Variants in PRKG1 observed in about 807,000 individuals in gnomAD.
PRKG1 encodes the protein protein kinase cGMP-dependent 1.
PRKG1 carries 35 observed loss-of-function variants against 88.1 expected under a neutral mutation model. The ratio of observed to expected loss-of-function variants is 0.40; its 90% CI spans 0.30 to 0.53. PRKG1 has a LOEUF of 0.53. PRKG1 is among the 20% of genes least tolerant of loss of function. The pLI, the probability that PRKG1 is intolerant of heterozygous loss-of-function variation, is 0.59. For missense variants in PRKG1, 540 were observed against 839.8 expected, an observed-to-expected ratio of 0.64 and a Z score of 4.41; for synonymous variants, 303 against 292.5, an observed-to-expected ratio of 1.04 and a Z score of -0.37.
chr10:51,463,711 A>G (rs4935016), intron 2 of PRKG1, among the ~76,000 whole-genome samples: 6,413 of 152,306 alleles, frequency 0.042, 240 homozygotes, highest in Admixed American at 0.13. Flanking sequence ...ATTTTGCTAC[A>G]AGACGGGTGA....
chr10:52,143,150 A>C (rs1837630607), intron 8 of PRKG1, among the ~76,000 whole-genome samples: 1 of 152,180 alleles, frequency 6.6e-6, no homozygotes, highest in South Asian at 2.1e-4. Context: ...AGCTATAAGG[A>C]GTATTCACTA....
chr10:52,041,584 C>T (rs1845755833), intron 5 of PRKG1, among the ~76,000 whole-genome samples: 1 of 152,100 alleles, frequency 6.6e-6, no homozygotes, highest in African/African-American at 2.4e-5. Flanking sequence ...TAGAAGTCAG[C>T]AGTGAAGCCA....
At chr10:52,154,547 A>C (rs888041780) in intron 8 of PRKG1, among the ~76,000 whole-genome samples, 1 of 152,228 alleles carries the variant, frequency 6.6e-6, no homozygotes, top group Non-Finnish European at 1.5e-5. Flanking sequence ...AATATTTAAG[A>C]TAGAATATTT....
chr10:51,380,681 T>C (rs1028145813), intron 2 of PRKG1, among the ~76,000 whole-genome samples: 17 of 152,166 alleles, frequency 1.1e-4, no homozygotes, highest in African/African-American at 3.9e-4. Flanking sequence ...ATGTAACAAA[T>C]GGCACAGCTC....
At chr10:51,442,981 A>C (rs1235918141) in intron 2 of PRKG1, among the ~76,000 whole-genome samples, 1 of 152,034 alleles carries the variant, frequency 6.6e-6, no homozygotes, top group Non-Finnish European at 1.5e-5. Context: ...CTGCCAGGCC[A>C]GCACCATTTC....
chr10:52,041,422 G>A (rs1845753172), intron 5 of PRKG1, among the ~76,000 whole-genome samples: 1 of 152,064 alleles, frequency 6.6e-6, no homozygotes, highest in Admixed American at 6.5e-5. Flanking sequence ...CCAGAATGTT[G>A]GCCTATAGTT....
intron 3 of PRKG1, among the ~76,000 whole-genome samples, chr10:51,720,949 C>T (rs1370552588): frequency 6.6e-6 from 1 of 151,766 alleles, no homozygotes; most frequent in Non-Finnish European, 1.5e-5. Context: ...CACCTGTAAT[C>T]CAAGCAGAAT....
intron 5 of PRKG1, among the ~76,000 whole-genome samples, chr10:51,939,909 T>TA (rs560942341): frequency 6.2e-4 from 95 of 152,136 alleles, no homozygotes; most frequent in African/African-American, 2.2e-3. Context: ...GTGACTTAGA[T>TA]ACTCAGAAAA....
chr10:51,339,522 T>A (rs748921594), intron 2 of PRKG1, among the ~76,000 whole-genome samples: 2 of 151,914 alleles, frequency 1.3e-5, no homozygotes, highest in African/African-American at 2.4e-5. Flanking sequence ...ATACATTCAC[T>A]GTAGAAAATT....
At chr10:51,432,146 A>G (rs1240144440) in intron 2 of PRKG1, among the ~76,000 whole-genome samples, 1 of 152,190 alleles carries the variant, frequency 6.6e-6, no homozygotes, top group Non-Finnish European at 1.5e-5. Context: ...AGGAGAGCAA[A>G]GAACCTCAAA....
intron 1 of PRKG1, among the ~76,000 whole-genome samples, chr10:51,028,195 A>G (rs957961292): frequency 6.6e-6 from 1 of 152,234 alleles, no homozygotes; most frequent in Non-Finnish European, 1.5e-5. Context: ...TTTAAAAATC[A>G]GATATGCTAA....
chr10:51,139,870 G>A (rs1245839731), intron 1 of PRKG1, among the ~76,000 whole-genome samples: 1 of 152,126 alleles, frequency 6.6e-6, no homozygotes, highest in Non-Finnish European at 1.5e-5. Context: ...ATTATACCAT[G>A]TCACTCATTA....
intron 2 of PRKG1, among the ~76,000 whole-genome samples, chr10:51,278,358 G>T (rs911866773): frequency 1.3e-5 from 2 of 152,122 alleles, no homozygotes. Context: ...CAGTTTGCCC[G>T]TATTCTGTTG....
chr10:51,038,906 C>T (rs970962342), intron 1 of PRKG1, among the ~76,000 whole-genome samples: 7 of 152,302 alleles, frequency 4.6e-5, no homozygotes, highest in Middle Eastern at 6.8e-3. Flanking sequence ...TGTGTACCCA[C>T]AATTTTTTTA....
chr10:51,326,800 A>G (rs1168305299), intron 2 of PRKG1, among the ~76,000 whole-genome samples: 1 of 152,266 alleles, frequency 6.6e-6, no homozygotes, highest in Non-Finnish European at 1.5e-5. Context: ...TAACTTAAAT[A>G]TCTTCTTCAA....
At chr10:51,260,555 A>G (rs1839679605) in intron 2 of PRKG1, among the ~76,000 whole-genome samples, 1 of 152,214 alleles carries the variant, frequency 6.6e-6, no homozygotes, top group Non-Finnish European at 1.5e-5. Flanking sequence ...TGGGAAATAC[A>G]GTGACTTTGA....
intron 2 of PRKG1, among the ~76,000 whole-genome samples, chr10:51,235,697 G>A (rs1393427318): frequency 6.6e-6 from 1 of 152,084 alleles, no homozygotes; most frequent in African/African-American, 2.4e-5. Context: ...AAGTGACAGG[G>A]AGAGATGAAA....
intron 1 of PRKG1, among the ~76,000 whole-genome samples, chr10:51,097,382 C>A (rs1222442153): frequency 6.6e-6 from 1 of 152,120 alleles, no homozygotes; most frequent in Non-Finnish European, 1.5e-5. Context: ...GCCACCACAC[C>A]TGGCTAATGT....
At chr10:51,553,732 CGTGTATA>C (rs1837201921) in intron 3 of PRKG1, among the ~76,000 whole-genome samples, 2 of 137,078 alleles carry the variant, frequency 1.5e-5, no homozygotes, top group Non-Finnish European at 3.3e-5. Context: ...ATATTAGATA[CGTGTATA>C]TAATATATGT....
Sources: allele counts gnomAD v4.1 joint callset (sites outside exome capture counted in the v4.1 genomes callset), GRCh38; gene constraint gnomAD v4.1.1; transcripts MANE v1.5; gene names NCBI Gene and HGNC (gene_info 2026-07-23, HGNC 2026-07-21).